PDZD2: variants seen among roughly 807,000 people sequenced by gnomAD.
The protein encoded by PDZD2 is PDZ domain containing 2.
Under a neutral mutation model 220.7 loss-of-function variants are expected in PDZD2, and 90 were observed. The ratio of observed to expected loss-of-function variants is 0.41; its 90% CI spans 0.34 to 0.49. The LOEUF is 0.49. PDZD2 is among the 20% of genes least tolerant of loss of function. The pLI, the probability that PDZD2 is intolerant of heterozygous loss-of-function variation, is 0.28. For missense variants in PDZD2, 3,174 were observed against 3,608.5 expected (o/e 0.88, Z 3.08); for synonymous variants, 1,375 against 1,450.5 (o/e 0.95, Z 1.18).
At chr5:31,790,623 G>A (rs1405417164) in intron 1 of PDZD2, among the ~76,000 whole-genome samples, 1 of 147,522 alleles carries the variant, frequency 6.8e-6, no homozygotes, top group Non-Finnish European at 1.5e-5. Context: ...TAGTCTGTGT[G>A]TTTCTGGTCA....
chr5:32,010,101 A>C (rs1280034348), intron 5 of PDZD2, among the ~76,000 whole-genome samples: 1 of 150,276 alleles, frequency 6.7e-6, no homozygotes, highest in African/African-American at 2.5e-5. Context: ...AAGAAAAAAG[A>C]AAAAAAAGAA....
At position 31,822,830 on chromosome 5, in the gene PDZD2, T is replaced by C. The variant is rs2150257377; in HGVS notation, c.476+23106T>C. 4.9e-6 allele frequency: 4 copies of C among 820,552 alleles called. No individual in the cohort carries two copies. The East Asian group carries it at 1.1e-4, about 22-fold the overall frequency. The allele number at this position is 820,552 out of a possible 1,614,324, so 50.8% of individuals were successfully genotyped here. On this transcript the variant is annotated intron_variant, in intron 2 of 24. Transcript: ENST00000438447. ...GAAGACCAATTCTCCTGGATAATGA[T>C]GTTGATGGGGAAGTGCACATACACA...
intron 2 of PDZD2, among the ~76,000 whole-genome samples, chr5:31,928,981 T>A (rs1745024564): frequency 6.6e-6 from 1 of 152,076 alleles, no homozygotes; most frequent in African/African-American, 2.4e-5. Context: ...AGGAGTATGC[T>A]GGGCTCTGAA....
intron 19 of PDZD2, among the ~76,000 whole-genome samples, chr5:32,082,213 C>T (rs1013120498): frequency 3.3e-5 from 5 of 150,130 alleles, no homozygotes; most frequent in Non-Finnish European, 7.4e-5. Flanking sequence ...GTAGAGACGG[C>T]GATTCACTAT....
In PDZD2 at chr5:32,053,668, T is replaced by C. The variant is rs150019683; in HGVS notation, c.1786-101T>C. On this transcript the variant is annotated intron_variant, in intron 9 of 24. Transcript: ENST00000438447. ...TAGGGAGGGCACTTCAGTTAAATACTACAATGGGACAGATGCCTTCAGTTA... is the reference window on the plus strand; with the variant it reads ...TAGGGAGGGCACTTCAGTTAAATACCACAATGGGACAGATGCCTTCAGTTA... 17 of 739,932 alleles carry C rather than the reference T, an allele frequency of 2.3e-5. 1 individual carries two copies. In the African/African-American group the frequency reaches 2.4e-4, roughly 10 times the overall value. The allele number at this position is 739,932 out of a possible 1,614,324, so 45.8% of individuals were successfully genotyped here.
At position 31,929,135 on chromosome 5, in the gene PDZD2, G is replaced by A. The variant is rs546291872; in HGVS notation, c.477-54020G>A. On this transcript the variant is annotated intron_variant, in intron 2 of 24. Transcript: ENST00000438447. ...CACCTGCTGCATGGCTGTGCTCAGC[G>A]TCGTGGAGTTTTGAATCTGAATGCT... Among the ~76,000 whole-genome samples, 87 of 152,302 alleles carry A rather than the reference G, an allele frequency of 5.7e-4. 3 individuals are homozygous for A. The South Asian group carries it at 0.017, about 30-fold the overall frequency.
rs899483599 is a variant in PDZD2, at chr5:32,059,479, C to T, written c.2318+123C>T. On this transcript the variant is annotated intron_variant, in intron 13 of 24. Transcript: ENST00000438447. ...TGAAGCTTTGAATTCTTTCCAAGAACGTAGCCAAGACTACAATTAATAGCA... is the reference window on the plus strand; with the variant it reads ...TGAAGCTTTGAATTCTTTCCAAGAATGTAGCCAAGACTACAATTAATAGCA... 21 of 485,500 alleles carry T rather than the reference C, an allele frequency of 4.3e-5. No homozygotes were observed. The Admixed American group carries it at 4.5e-4, about 10-fold the overall frequency. 30.1% of individuals were successfully genotyped at this position (485,500 alleles called of 1,614,324 possible). A position where few individuals can be genotyped will look rare whatever the true frequency, so the allele number is the denominator to read the frequency against.
rs1433891353 is a variant in PDZD2, at chr5:31,835,726, T to A, written c.476+36002T>A. On this transcript the variant is annotated intron_variant, in intron 2 of 24. Coordinates refer to ENST00000438447, the MANE Select transcript of PDZD2 (RefSeq NM_178140.4). ...ATGAACTCATCTTCTCAGTCTTGAT[T>A]TCTAGAGCTGATGTTTAACTTTTCA... Among the ~76,000 whole-genome samples the A allele has an allele frequency of 3.3e-5, 5 of 152,176 alleles. No homozygotes were observed. The South Asian group carries it at 8.3e-4, about 25-fold the overall frequency.
At chr5:31,888,244 G>A (rs1740701331) in intron 2 of PDZD2, among the ~76,000 whole-genome samples, 2 of 151,198 alleles carry the variant, frequency 1.3e-5, no homozygotes, top group South Asian at 2.1e-4. Context: ...CCAGGCTGGA[G>A]TGCAGTGCTA....
intron 2 of PDZD2, among the ~76,000 whole-genome samples, chr5:31,920,183 C>T (rs1040762872): frequency 2.6e-5 from 4 of 151,698 alleles, no homozygotes; most frequent in Admixed American, 6.6e-5. Context: ...ACTCGGGGGG[C>T]TAAGGTGGGA....
intron 3 of PDZD2, among the ~76,000 whole-genome samples, chr5:31,988,046 C>T (rs1205402213): frequency 6.6e-6 from 1 of 152,220 alleles, no homozygotes; most frequent in South Asian, 2.1e-4. Flanking sequence ...CACAGTACTC[C>T]CCTACCCGGG....
At chr5:31,692,674 TC>T (rs1747192034) in intron 1 of PDZD2, among the ~76,000 whole-genome samples, 1 of 152,200 alleles carries the variant, frequency 6.6e-6, no homozygotes, top group Non-Finnish European at 1.5e-5. Context: ...ATTGTGCCAT[TC>T]CTAGGCCAGC....
chr5:31,889,732 A>C (rs1740833537), intron 2 of PDZD2, among the ~76,000 whole-genome samples: 1 of 152,088 alleles, frequency 6.6e-6, no homozygotes, highest in Non-Finnish European at 1.5e-5. Flanking sequence ...ATTAAGACAC[A>C]CGGGGGCCGG....
intron 2 of PDZD2, among the ~76,000 whole-genome samples, chr5:31,801,613 A>G (rs1251666317): frequency 6.6e-6 from 1 of 152,206 alleles, no homozygotes; most frequent in Non-Finnish European, 1.5e-5. Flanking sequence ...CAGGAGCTCC[A>G]GCTCCAGAAC....
intron 1 of PDZD2, among the ~76,000 whole-genome samples, chr5:31,654,997 A>C (rs253937): frequency 0.15 from 22,710 of 151,752 alleles, 1,973 homozygotes; most frequent in East Asian, 0.29. Flanking sequence ...TGCACCTGCT[A>C]TTCCCTCTGC....
intron 2 of PDZD2, among the ~76,000 whole-genome samples, chr5:31,869,542 C>A (rs1307005324): frequency 1.3e-5 from 2 of 150,670 alleles, no homozygotes; most frequent in Admixed American, 6.6e-5. Context: ...CCAGCCTGGG[C>A]GACAGAGCGA....
intron 1 of PDZD2, among the ~76,000 whole-genome samples, chr5:31,685,367 G>C (rs1746811260): frequency 6.6e-6 from 1 of 152,058 alleles, no homozygotes; most frequent in African/African-American, 2.4e-5. Context: ...TTCCTCAACA[G>C]GTTTTTTAAA....
rs1164700351 is a variant in PDZD2 at position 32,090,102 on chromosome 5, A to G, written c.6654A>G (p.Pro2218=). ...GEDHLYFTPR[P]ATRTYSMPAQ... ...ACCATCTCTACTTCACCCCAAGGCC[A>G]GCGACCAGGACCTACTCCATGCCAG... Residue 2218 remains proline, a synonymous_variant, in exon 20 of 25, where the codon CCA becomes CCG. Transcript: ENST00000438447. This position sits in a 1 kb window ranked among gnomAD's most constrained non-coding sequence, Gnocchi z 4.3. 1 of 1,613,854 alleles carries G rather than the reference A, an allele frequency of 6.2e-7. No individual in the cohort carries two copies. Among genetic ancestry groups the G allele is most frequent in the Non-Finnish European group, 8.5e-7 (1 of 1,180,004 alleles).
chr5:31,852,505 C>G (rs1044664755), intron 2 of PDZD2, among the ~76,000 whole-genome samples: 1 of 152,106 alleles, frequency 6.6e-6, no homozygotes, highest in Admixed American at 6.6e-5. Flanking sequence ...AGGCTGCTCT[C>G]AAACTTCTGA....
Sources: gnomAD v4.1 joint callset for allele counts (sites outside exome capture counted in the v4.1 genomes callset) on GRCh38, gnomAD v4.1.1 for gene constraint, Gnocchi (gnomAD v3.1) non-coding constraint, MANE v1.5 for transcripts, NCBI Gene and HGNC (gene_info 2026-07-23, HGNC 2026-07-21) for gene names.